The following CGRRF1 variants were observed in gnomAD, a reference collection of about 807,000 sequenced individuals.
CGRRF1 encodes the protein cell growth regulator with RING finger domain protein 1.
A neutral mutation model predicts 37.2 loss-of-function variants in CGRRF1; 32 were observed. That is an observed-to-expected ratio of 0.86 (90% confidence interval 0.65 to 1.16). The LOEUF (loss-of-function observed/expected upper bound fraction) is 1.16, where lower values mean the gene tolerates loss of function less well. CGRRF1 is among the 50% of genes most tolerant of loss of function. CGRRF1 has a pLI of 0.00. For synonymous variants in CGRRF1, 141 were observed against 140.3 expected (o/e 1.00, Z -0.04); for missense variants, 391 against 382.6 (o/e 1.02, Z -0.18).
At chr14:54,525,252 A>G (rs1594652133) in intron 2 of CGRRF1, among the ~76,000 whole-genome samples, 1 of 152,224 alleles carries the variant, frequency 6.6e-6, no homozygotes, top group South Asian at 2.1e-4. Flanking sequence ...AGAAGAGCTG[A>G]TACATTGTGA....
rs771299427 is a variant in CGRRF1, at chr14:54,537,803, G to A, written c.652G>A (p.Ala218Thr). The A allele has an allele frequency of 1.9e-5, 30 of 1,602,402 alleles. No individual in the cohort carries two copies. The Admixed American group carries it at 4.7e-4, about 25-fold the overall frequency. The change falls in exon 5 of 6, where the codon GCT becomes ACT. Residue 218 changes from alanine (A) to threonine (T), a missense_variant. Transcript: ENST00000216420. ...AATATTGTATCAATATTTACTCTTG[G>A]CTCAAGGTCAATTTCATGATCTTAA... ...CRILYQYLLL[A>T]QGQFHDLKQL... is the part of the protein sequence containing the mutation.
chr14:54,511,980 C>A (rs543415892), intron 1 of CGRRF1, among the ~76,000 whole-genome samples: 1 of 152,286 alleles, frequency 6.6e-6, no homozygotes, highest in South Asian at 2.1e-4. Flanking sequence ...TGTTTATTTG[C>A]AAACTTAAGC....
At chr14:54,532,872 G>T (rs1426411000) in intron 4 of CGRRF1, among the ~76,000 whole-genome samples, 1 of 151,960 alleles carries the variant, frequency 6.6e-6, no homozygotes, top group Non-Finnish European at 1.5e-5. Context: ...CTGTTAAATT[G>T]GTGTCTCCTA....
chr14:54,524,996 G>A lies in CGRRF1; in HGVS notation c.244+2403G>A, dbSNP rs145771075. 2.4e-3 allele frequency among the ~76,000 whole-genome samples: 359 copies of A among 152,226 alleles called. 1 individual carries two copies. The highest frequency in any genetic ancestry group is 7.9e-3 in the African/African-American group (328 of 41,532). ...CAGGAGGTCGAGGTTGCAGTAAGCC[G>A]TGATCACACCACTTCACTTCAGCCT... On this transcript the variant is annotated intron_variant, in intron 2 of 5. Coordinates refer to ENST00000216420, the MANE Select transcript of CGRRF1 (RefSeq NM_006568.3).
intron 1 of CGRRF1, 51 bp downstream of exon 1, chr14:54,510,114 G>A (rs1192197155): frequency 2.1e-6 from 3 of 1,403,656 alleles, no homozygotes; most frequent in East Asian, 2.3e-5. Context: ...CCAGAGTGGG[G>A]TCGCGACGAG....
Position 54,533,873 on chromosome 14 carries a change from A to C in CGRRF1, c.570+2823A>C, listed in dbSNP as rs570376903. The stretch of plus-strand genomic sequence containing the variant: ...GAAAGTGTAGATAAGCCAAAAGGAG[A>C]GAAGTATAATAATCTGTATTCTATC... On this transcript the variant is annotated intron_variant, in intron 4 of 5. Coordinates refer to ENST00000216420, the MANE Select transcript of CGRRF1 (RefSeq NM_006568.3). 1.2e-3 allele frequency among the ~76,000 whole-genome samples: 188 copies of C among 152,108 alleles called. 1 individual carries two copies. The highest frequency in any genetic ancestry group is 4.5e-3 in the African/African-American group (186 of 41,492).
intron 1 of CGRRF1, among the ~76,000 whole-genome samples, chr14:54,518,865 C>T (rs1269414061): frequency 6.6e-6 from 1 of 152,134 alleles, no homozygotes; most frequent in Non-Finnish European, 1.5e-5. Flanking sequence ...GGATAGATTG[C>T]AAAAACATTT....
rs2032503596 is a variant in CGRRF1 at position 54,530,926 on chromosome 14, A to G, written c.446A>G (p.Glu149Gly). 1.3e-6 allele frequency: 2 copies of G among 1,595,202 alleles called. No homozygotes were observed. Among genetic ancestry groups the G allele is most frequent in the African/African-American group, 1.3e-5 (1 of 74,642 alleles). ...AGTATTAAAAAGGATAGCAAAGAAGAAATATATTGCCAGTTACCAAGAGAT... is the reference window on the plus strand; with the variant it reads ...AGTATTAAAAAGGATAGCAAAGAAGGAATATATTGCCAGTTACCAAGAGAT... ...QYFIKKDSKE[E>G]IYCQLPRDTK... Residue 149 changes from glutamate (E) to glycine (G), a missense_variant, in exon 4 of 6, where the codon GAA becomes GGA. Coordinates refer to ENST00000216420, the MANE Select transcript of CGRRF1 (RefSeq NM_006568.3).
Position 54,538,456 on chromosome 14 carries a change from C to A in CGRRF1, c.*73C>A. 9.2e-7 allele frequency: 1 copy of A among 1,087,004 alleles called. No homozygotes were observed. The highest frequency in any genetic ancestry group is 1.3e-6 in the Non-Finnish European group (1 of 744,116). The allele number at this position is 1,087,004 out of a possible 1,614,324, so 67.3% of individuals were successfully genotyped here. A position where few individuals can be genotyped will look rare whatever the true frequency, so the allele number is the denominator to read the frequency against. ...TTGATGATCTTGGAATTCATCATAA[C>A]ATGGAATCTACAGTACTGACCATCA... On this transcript the variant is annotated 3_prime_UTR_variant, in exon 6 of 6. Transcript: ENST00000216420.
At chr14:54,524,225 C>T (rs1482302592) in intron 2 of CGRRF1, among the ~76,000 whole-genome samples, 1 of 152,168 alleles carries the variant, frequency 6.6e-6, no homozygotes, top group African/African-American at 2.4e-5. Context: ...AGTTGACCTT[C>T]ATTTGCAACG....
At chr14:54,520,832 A>G (rs534971686) in intron 1 of CGRRF1, among the ~76,000 whole-genome samples, 7 of 152,230 alleles carry the variant, frequency 4.6e-5, no homozygotes, top group African/African-American at 1.4e-4. Context: ...CTTAAAGCAT[A>G]TGGGACTCAG....
At chr14:54,525,765 G>A (rs1427827780) in intron 2 of CGRRF1, among the ~76,000 whole-genome samples, 1 of 152,142 alleles carries the variant, frequency 6.6e-6, no homozygotes, top group East Asian at 1.9e-4. Flanking sequence ...ACATATAGCA[G>A]AAGAGGGTGA....
At chr14:54,520,579 C>A (rs1047945314) in intron 1 of CGRRF1, among the ~76,000 whole-genome samples, 12 of 152,234 alleles carry the variant, frequency 7.9e-5, no homozygotes, top group Non-Finnish European at 1.8e-4. Flanking sequence ...CTTCCGGAAG[C>A]AACCATTGTT....
At chr14:54,519,180 G>A (rs746408544) in intron 1 of CGRRF1, among the ~76,000 whole-genome samples, 15 of 151,380 alleles carry the variant, frequency 9.9e-5, no homozygotes, top group Non-Finnish European at 1.6e-4. Flanking sequence ...TCCCGACCTC[G>A]GGTGATCTGC....
At position 54,538,512 on chromosome 14, in the gene CGRRF1, A is replaced by G. The variant is rs2032638555; in HGVS notation, c.*129A>G. On this transcript the variant is annotated 3_prime_UTR_variant, in exon 6 of 6. Transcript: ENST00000216420. The stretch of plus-strand genomic sequence containing the variant: ...AATTATATTTTAACTTCATATTTGT[A>G]TGGTACTTGGATGATAAAAATTAAT... 3 of 648,620 alleles carry G rather than the reference A, an allele frequency of 4.6e-6. No homozygotes were observed. The highest frequency in any genetic ancestry group is 7.7e-6 in the Non-Finnish European group (3 of 388,372). The allele number at this position is 648,620 out of a possible 1,614,324, so 40.2% of individuals were successfully genotyped here. A position where few individuals can be genotyped will look rare whatever the true frequency, so the allele number is the denominator to read the frequency against.
At chr14:54,518,089 A>T (rs551211311) in intron 1 of CGRRF1, among the ~76,000 whole-genome samples, 9 of 152,272 alleles carry the variant, frequency 5.9e-5, no homozygotes, top group Non-Finnish European at 1.2e-4. Flanking sequence ...TAATATATGC[A>T]TGCATGTATC....
intron 4 of CGRRF1, 126 bp from the exon 5 acceptor site, chr14:54,537,596 T>C (rs935085277): frequency 9.8e-7 from 1 of 1,017,602 alleles, no homozygotes; most frequent in Admixed American, 4.0e-5. Context: ...CTTTTATTTT[T>C]GAGAAGCATT....
At chr14:54,517,937 C>A (rs920377902) in intron 1 of CGRRF1, among the ~76,000 whole-genome samples, 1 of 152,192 alleles carries the variant, frequency 6.6e-6, no homozygotes. Context: ...ACGCATTTTC[C>A]TGCAAAGGAC....
At chr14:54,521,654 G>A (rs1437647690) in intron 1 of CGRRF1, among the ~76,000 whole-genome samples, 3 of 151,404 alleles carry the variant, frequency 2.0e-5, no homozygotes, top group East Asian at 2.0e-4. Flanking sequence ...ACAGGTCCAC[G>A]CCACCATGCC....
Sources: gnomAD v4.1 joint callset for allele counts (sites outside exome capture counted in the v4.1 genomes callset) on GRCh38, gnomAD v4.1.1 for gene constraint, MANE v1.5 for transcripts, NCBI Gene and HGNC (gene_info 2026-07-23, HGNC 2026-07-21) for gene names.